The following ELP4 variants were observed in gnomAD, a reference collection of about 807,000 sequenced individuals.
The protein encoded by ELP4 is elongator complex protein 4.
In ELP4, 51 loss-of-function variants were observed where a neutral mutation model predicts 48.9. The observed-to-expected ratio is 1.04, with a 90% CI of 0.83 to 1.32. ELP4 has a LOEUF of 1.32. Among genes scored for constraint, ELP4 ranks in the 40% most tolerant of loss-of-function variants. The pLI is 0.00. For synonymous variants in ELP4, 210 were observed against 189.2 expected (o/e 1.11, Z -0.90); for missense variants, 519 against 514.6 (o/e 1.01, Z -0.08).
At chr11:31,754,813 A>T (rs1335392722) in intron 9 of ELP4, among the ~76,000 whole-genome samples, 3 of 152,210 alleles carry the variant, frequency 2.0e-5, no homozygotes, top group Non-Finnish European at 4.4e-5. Context: ...CGGAGGTTGC[A>T]GTGAGCCAAG....
chr11:31,648,833 G>A (rs936412471), intron 8 of ELP4: 11 of 151,410 alleles, frequency 7.3e-5, no homozygotes, highest in African/African-American at 1.9e-4. Flanking sequence ...ATTTTCCACC[G>A]AGTAAAGAGT....
At chr11:31,558,253 T>C (rs1292508202) in intron 3 of ELP4, among the ~76,000 whole-genome samples, 1 of 151,636 alleles carries the variant, frequency 6.6e-6, no homozygotes, top group Non-Finnish European at 1.5e-5. Flanking sequence ...AAAAAAAACA[T>C]GCAAAGGCTC....
intron 2 of ELP4, among the ~76,000 whole-genome samples, chr11:31,533,227 T>C (rs1396118907): frequency 6.6e-6 from 1 of 152,184 alleles, no homozygotes; most frequent in African/African-American, 2.4e-5. Context: ...CTCCACTGTC[T>C]GTTATTCCAC....
intron 1 of ELP4, 50 bp from the exon 2 acceptor site, chr11:31,520,006 G>A (rs1956186996): frequency 6.3e-7 from 1 of 1,586,994 alleles, no homozygotes; most frequent in Non-Finnish European, 8.6e-7. Context: ...TTATGCTAAA[G>A]GTAATGGAAA....
At chr11:31,623,164 G>A (rs1944657291) in intron 5 of ELP4, among the ~76,000 whole-genome samples, 1 of 150,254 alleles carries the variant, frequency 6.7e-6, no homozygotes, top group African/African-American at 2.4e-5. Context: ...CGTAATCTTT[G>A]TTGAATGTTT....
At chr11:31,698,368 A>G (rs1946453673) in intron 9 of ELP4, among the ~76,000 whole-genome samples, 2 of 152,174 alleles carry the variant, frequency 1.3e-5, no homozygotes, top group Admixed American at 6.6e-5. Flanking sequence ...AACACAAAGT[A>G]TATACATTTC....
intron 7 of ELP4, chr11:31,646,264 G>A (rs1394872278): frequency 6.6e-6 from 1 of 151,760 alleles, no homozygotes; most frequent in Non-Finnish European, 1.5e-5. Context: ...AGACAATTAA[G>A]AATAATTATT....
intron 3 of ELP4, among the ~76,000 whole-genome samples, chr11:31,542,069 A>G (rs1956601296): frequency 6.6e-6 from 1 of 152,246 alleles, no homozygotes; most frequent in Admixed American, 6.5e-5. Context: ...AAATAGCTAA[A>G]AAACAAAAAA....
At chr11:31,741,199 C>A (rs2134219496) in intron 9 of ELP4, among the ~76,000 whole-genome samples, 1 of 152,228 alleles carries the variant, frequency 6.6e-6, no homozygotes, top group Non-Finnish European at 1.5e-5. Context: ...GGGAGGGGCG[C>A]CCGCCATAGC....
chr11:31,773,801 A>G (rs1375126442), intron 9 of ELP4, among the ~76,000 whole-genome samples: 1 of 152,194 alleles, frequency 6.6e-6, no homozygotes, highest in African/African-American at 2.4e-5. Context: ...CCTGATGTGT[A>G]AGAAGACACA....
chr11:31,677,914 T>C (rs997398250), intron 9 of ELP4, among the ~76,000 whole-genome samples: 26 of 152,126 alleles, frequency 1.7e-4, no homozygotes, highest in African/African-American at 5.6e-4. Context: ...ATTCTGTGGA[T>C]CTTGACAAAT....
chr11:31,781,269 AT>A (rs924618962), intron 9 of ELP4, among the ~76,000 whole-genome samples: 2 of 151,256 alleles, frequency 1.3e-5, no homozygotes, highest in African/African-American at 2.4e-5. Flanking sequence ...CTTTATGGTA[AT>A]TTTTTTTTCA....
At chr11:31,695,086 A>G (rs1592230476) in intron 9 of ELP4, among the ~76,000 whole-genome samples, 3 of 152,164 alleles carry the variant, frequency 2.0e-5, no homozygotes, top group Non-Finnish European at 4.4e-5. Flanking sequence ...TAGATATACA[A>G]TCATGTCATC....
chr11:31,517,134 A>G (rs1056008114), intron 1 of ELP4, among the ~76,000 whole-genome samples: 2 of 152,174 alleles, frequency 1.3e-5, no homozygotes, highest in African/African-American at 4.8e-5. Flanking sequence ...AAACTGTTTA[A>G]CACATAATAG....
At chr11:31,550,723 G>A (rs1214294283) in intron 3 of ELP4, among the ~76,000 whole-genome samples, 2 of 152,160 alleles carry the variant, frequency 1.3e-5, no homozygotes, top group South Asian at 2.1e-4. Context: ...GGAGCTTGTC[G>A]TGGTGGAAAA....
At chr11:31,592,887 A>C (rs1353331661) in intron 3 of ELP4, among the ~76,000 whole-genome samples, 2 of 152,142 alleles carry the variant, frequency 1.3e-5, no homozygotes, top group African/African-American at 4.8e-5. Context: ...GTACACATTA[A>C]TGTAAGAGCA....
chr11:31,579,584 A>C (rs1378324975), intron 3 of ELP4, among the ~76,000 whole-genome samples: 1 of 152,202 alleles, frequency 6.6e-6, no homozygotes, highest in African/African-American at 2.4e-5. Context: ...GCACATATAC[A>C]CTATGGAATA....
chr11:31,604,835 A>G (rs1957844704), intron 5 of ELP4, among the ~76,000 whole-genome samples: 1 of 151,944 alleles, frequency 6.6e-6, no homozygotes. Flanking sequence ...ATAGAGACTT[A>G]GCAAAAGCGG....
intron 9 of ELP4, among the ~76,000 whole-genome samples, chr11:31,750,896 A>G (rs1032131502): frequency 4.6e-5 from 7 of 152,214 alleles, no homozygotes; most frequent in Non-Finnish European, 8.8e-5. Flanking sequence ...TCTCCAGCCT[A>G]TAGGCAGACA....
Sources: allele counts gnomAD v4.1 joint callset (sites outside exome capture counted in the v4.1 genomes callset), GRCh38; gene constraint gnomAD v4.1.1; transcripts MANE v1.5; gene names NCBI Gene and HGNC (gene_info 2026-07-23, HGNC 2026-07-21).